PPP3CA: variants seen among roughly 807,000 people sequenced by gnomAD.
PPP3CA encodes CAM-PRP catalytic subunit.
PPP3CA carries 14 observed loss-of-function variants against 66.5 expected under a neutral mutation model. That is an observed-to-expected ratio of 0.21 (90% CI 0.14 to 0.33). The LOEUF is 0.33. Ranked by LOEUF, PPP3CA falls within the 10% of genes least tolerant of loss-of-function variation. The pLI, the probability that PPP3CA is intolerant of heterozygous loss-of-function variation, is 1.00. For missense variants in PPP3CA, 317 were observed against 639.5 expected, an observed-to-expected ratio of 0.50 and a Z score of 5.44; for synonymous variants, 232 against 226.2, an observed-to-expected ratio of 1.03 and a Z score of -0.23.
intron 1 of PPP3CA, among the ~76,000 whole-genome samples, chr4:101,336,229 A>C (rs569193328): frequency 1.4e-4 from 22 of 151,780 alleles, no homozygotes; most frequent in Non-Finnish European, 3.1e-4. Flanking sequence ...CCTCCAAAAA[A>C]AAAGCAAACA....
rs540323683 is a variant in PPP3CA at position 101,098,532 on chromosome 4, G to C, written c.497-20C>G. 8.3e-6 allele frequency: 13 copies of C among 1,571,990 alleles called. No individual in the cohort carries two copies. In the African/African-American group the frequency reaches 1.4e-4, roughly 17 times the overall value. ...TTTTACCTTTTAGAAGTGATTAAAA[G>C]AATACTTATGATTTATAGGCAGGAT... On this transcript the variant is annotated intron_variant, in intron 4 of 13. Transcript: ENST00000394854.
At chr4:101,298,795 A>G (rs1183811044) in intron 1 of PPP3CA, among the ~76,000 whole-genome samples, 1 of 151,658 alleles carries the variant, frequency 6.6e-6, no homozygotes, top group Non-Finnish European at 1.5e-5. Flanking sequence ...ATTTTCGACT[A>G]CATGAGGGGT....
Position 101,080,514 on chromosome 4 carries a change from G to GT in PPP3CA, c.955+17dup. 1 of 1,293,398 alleles carries GT rather than the reference G, an allele frequency of 7.7e-7. No individual in the cohort carries two copies. 80.1% of individuals were successfully genotyped at this position (1,293,398 alleles called of 1,614,324 possible). ...CACATATTATGTAAGACTGCAAGAGGTATTTAAAAACACTTACCTTTGTTA... is the reference window on the plus strand; with the variant it reads ...CACATATTATGTAAGACTGCAAGAGGTTATTTAAAAACACTTACCTTTGTTA... On this transcript the variant is annotated intron_variant, in intron 8 of 13. Transcript: ENST00000394854.
intron 1 of PPP3CA, among the ~76,000 whole-genome samples, chr4:101,280,591 G>A (rs1277042875): frequency 3.3e-5 from 5 of 152,040 alleles, no homozygotes; most frequent in Admixed American, 6.6e-5. Flanking sequence ...AGGCCGAGGC[G>A]GGTGGATCAC....
At chr4:101,043,305 T>C (rs1404162424) in intron 10 of PPP3CA, among the ~76,000 whole-genome samples, 1 of 152,096 alleles carries the variant, frequency 6.6e-6, no homozygotes. Context: ...GAAACTATGC[T>C]GGAAAAGGAG....
intron 1 of PPP3CA, among the ~76,000 whole-genome samples, chr4:101,329,852 A>C (rs1729324455): frequency 6.7e-6 from 1 of 149,228 alleles, no homozygotes; most frequent in Non-Finnish European, 1.5e-5. Flanking sequence ...ATTGAGATTT[A>C]CTGCTCAGGG....
At chr4:101,067,645 CAA>C (rs1383857995) in intron 8 of PPP3CA, among the ~76,000 whole-genome samples, 1 of 115,098 alleles carries the variant, frequency 8.7e-6, no homozygotes, top group Non-Finnish European at 1.6e-5. Flanking sequence ...CAATGAATGA[CAA>C]GAGTAGAAAG....
intron 2 of PPP3CA, among the ~76,000 whole-genome samples, chr4:101,165,570 G>A (rs535620443): frequency 1.3e-5 from 2 of 152,112 alleles, no homozygotes; most frequent in East Asian, 3.9e-4. Flanking sequence ...CTTTACCCAA[G>A]AATAAAAGAA....
chr4:101,131,249 T>C (rs1013828203), intron 2 of PPP3CA, among the ~76,000 whole-genome samples: 12 of 146,508 alleles, frequency 8.2e-5, no homozygotes, highest in African/African-American at 2.5e-4. Flanking sequence ...AATAAATAAA[T>C]AAATAAATAA....
At chr4:101,036,546 G>T (rs1358898112) in intron 11 of PPP3CA, among the ~76,000 whole-genome samples, 1 of 152,108 alleles carries the variant, frequency 6.6e-6, no homozygotes, top group Non-Finnish European at 1.5e-5. Context: ...TGAGTAGCTG[G>T]GACTACAGGC....
Position 101,106,483 on chromosome 4 carries a change from A to G in PPP3CA, c.384+2471T>C, listed in dbSNP as rs532654668. Among the ~76,000 whole-genome samples the G allele has an allele frequency of 6.4e-3, 495 of 76,912 alleles. 89 individuals are homozygous for G. Among genetic ancestry groups the G allele is most frequent in the African/African-American group, 0.023 (255 of 11,032 alleles). 50.5% of individuals were successfully genotyped at this position (76,912 alleles called of 152,430 possible). ...AAGAAAAGAAAAGAAAAGAAAAGAAAAGAAAAGAAAAGAAAAGAAAGAAAG... is the reference window on the plus strand; with the variant it reads ...AAGAAAAGAAAAGAAAAGAAAAGAAGAGAAAAGAAAAGAAAAGAAAGAAAG... On this transcript the variant is annotated intron_variant, in intron 3 of 13. Transcript: ENST00000394854.
intron 1 of PPP3CA, among the ~76,000 whole-genome samples, chr4:101,197,741 T>C (rs1234756045): frequency 6.6e-6 from 1 of 152,200 alleles, no homozygotes; most frequent in Non-Finnish European, 1.5e-5. Flanking sequence ...TGTTTATATA[T>C]AAACTTATTT....
intron 1 of PPP3CA, among the ~76,000 whole-genome samples, chr4:101,301,927 T>C (rs1031035): frequency 0.47 from 70,769 of 151,110 alleles, 20,283 homozygotes; most frequent in African/African-American, 0.8. Context: ...TTATATTTGC[T>C]TTCTGCAAAA....
At chr4:101,124,727 GAAAGAAAGAAAGAAAGAAAGAA>G (rs1722169195) in intron 2 of PPP3CA, among the ~76,000 whole-genome samples, 2 of 49,898 alleles carry the variant, frequency 4.0e-5, no homozygotes, top group African/African-American at 1.5e-4. Context: ...GAAAGAAAGA[GAAAGAAAGAAAGAAAGAAAGAA>G]AGAAAGAAAG....
At chr4:101,151,652 C>CTTTTTTT (rs369745312) in intron 2 of PPP3CA, among the ~76,000 whole-genome samples, 7 of 84,826 alleles carry the variant, frequency 8.3e-5, no homozygotes, top group Non-Finnish European at 1.4e-4. Flanking sequence ...CCAAGGTTTC[C>CTTTTTTT]TTTTTTTTTT....
intron 2 of PPP3CA, among the ~76,000 whole-genome samples, chr4:101,168,923 A>C (rs1241050427): frequency 6.6e-6 from 1 of 152,198 alleles, no homozygotes; most frequent in Non-Finnish European, 1.5e-5. Context: ...AGCCTTCTAA[A>C]GCAATGATAT....
At chr4:101,251,316 A>T (rs1726669988) in intron 1 of PPP3CA, among the ~76,000 whole-genome samples, 1 of 152,126 alleles carries the variant, frequency 6.6e-6, no homozygotes, top group Non-Finnish European at 1.5e-5. Context: ...ATCTTTCATT[A>T]TATTGTACTT....
In PPP3CA at chr4:101,335,330, G is replaced by A. The variant is rs575810247; in HGVS notation, c.58+11409C>T. 4.6e-5 allele frequency among the ~76,000 whole-genome samples: 7 copies of A among 151,906 alleles called. No individual in the cohort carries two copies. In the South Asian group the frequency reaches 8.4e-4, roughly 18 times the overall value. ...AAGTGAAAGCAAGCAGAAGAGGCAG[G>A]TTTGGCTCTGGTCAAGTGAGGTGCT... On this transcript the variant is annotated intron_variant, in intron 1 of 13. Coordinates refer to ENST00000394854, the MANE Select transcript of PPP3CA (RefSeq NM_000944.5).
intron 6 of PPP3CA, 82 bp from the exon 7 acceptor site, chr4:101,083,345 T>C (rs1729523374): frequency 6.7e-6 from 8 of 1,198,668 alleles, no homozygotes; most frequent in South Asian, 2.6e-5. Context: ...TCCAGATCTA[T>C]GTGACTGGAT....
Sources: allele counts gnomAD v4.1 joint callset (sites outside exome capture counted in the v4.1 genomes callset), GRCh38; gene constraint gnomAD v4.1.1; transcripts MANE v1.5; gene names NCBI Gene and HGNC (gene_info 2026-07-23, HGNC 2026-07-21).